The following ADAMTSL1 variants were observed in gnomAD, a reference collection of about 807,000 sequenced individuals.
ADAMTSL1 encodes ADAMTS-like protein 1.
A neutral mutation model predicts 201.8 loss-of-function variants in ADAMTSL1; 126 were observed. That is an observed-to-expected ratio of 0.62 (90% CI 0.54 to 0.72). The LOEUF (loss-of-function observed/expected upper bound fraction) is 0.72. ADAMTSL1 is among the 30% of genes least tolerant of loss of function. The pLI is 0.00. For missense variants in ADAMTSL1, 2,679 were observed against 2,277.8 expected (o/e 1.18, Z -3.59); for synonymous variants, 1,121 against 903.4 (o/e 1.24, Z -4.32).
intron 2 of ADAMTSL1, among the ~76,000 whole-genome samples, chr9:18,384,049 A>G (rs1205302622): frequency 6.6e-6 from 1 of 152,164 alleles, no homozygotes; most frequent in Admixed American, 6.6e-5. Context: ...TACCTGTATT[A>G]GTCTGTTCTC....
At chr9:18,207,755 A>C (rs1160615211) in intron 2 of ADAMTSL1, among the ~76,000 whole-genome samples, 1 of 152,006 alleles carries the variant, frequency 6.6e-6, no homozygotes, top group African/African-American at 2.4e-5. Flanking sequence ...TATTTGGTTT[A>C]TGTATTTGTA....
intron 2 of ADAMTSL1, among the ~76,000 whole-genome samples, chr9:18,257,748 G>A (rs926798822): frequency 2.8e-4 from 42 of 152,108 alleles, no homozygotes; most frequent in African/African-American, 9.7e-4. Flanking sequence ...ATAGCTAAAA[G>A]GTGGAAACAA....
intron 14 of ADAMTSL1, chr9:18,718,273 C>G: frequency 1.3e-6 from 1 of 758,426 alleles, no homozygotes; most frequent in Non-Finnish European, 2.5e-6. Flanking sequence ...GTGGACTGTG[C>G]TTTGATGGAA....
At chr9:18,635,828 C>G (rs1448694468) in intron 5 of ADAMTSL1, 115 bp from the exon 6 acceptor site, 3 of 812,654 alleles carry the variant, frequency 3.7e-6, no homozygotes, top group Non-Finnish European at 5.9e-6. Flanking sequence ...ACATTTCAAA[C>G]ACTTAAAAAA....
At chr9:18,301,382 T>A (rs1812070941) in intron 2 of ADAMTSL1, among the ~76,000 whole-genome samples, 1 of 152,106 alleles carries the variant, frequency 6.6e-6, no homozygotes, top group South Asian at 2.1e-4. Context: ...GTACAGTAGT[T>A]CCCCCTTTTC....
Position 18,908,667 on chromosome 9 carries a change from C to T in ADAMTSL1, c.*119C>T. ...TATTTCCCCCTCCCCACTCCACACA[C>T]ACCCTTCCAACCTCCTCCACCTCCA... On this transcript the variant is annotated 3_prime_UTR_variant, in exon 29 of 29. Coordinates refer to ENST00000380548, the MANE Select transcript of ADAMTSL1 (RefSeq NM_001040272.6). 2 of 797,236 alleles carry T rather than the reference C, an allele frequency of 2.5e-6. No individual in the cohort carries two copies. Among genetic ancestry groups the T allele is most frequent in the Middle Eastern group, 2.4e-4 (1 of 4,142 alleles). The allele number at this position is 797,236 out of a possible 1,614,324, so 49.4% of individuals were successfully genotyped here.
At chr9:18,811,419 C>T (rs1823502154) in intron 20 of ADAMTSL1, among the ~76,000 whole-genome samples, 1 of 152,140 alleles carries the variant, frequency 6.6e-6, no homozygotes, top group Non-Finnish European at 1.5e-5. Flanking sequence ...TACCACCTGC[C>T]CAAGGTGAGG....
intron 2 of ADAMTSL1, among the ~76,000 whole-genome samples, chr9:18,249,026 G>A (rs1195915808): frequency 6.6e-6 from 1 of 152,082 alleles, no homozygotes; most frequent in African/African-American, 2.4e-5. Context: ...ATTGAGCGAC[G>A]ATAGACTGAT....
At position 17,937,229 on chromosome 9, in the gene ADAMTSL1, C is replaced by A. The variant is rs540753175; in HGVS notation, c.87+30307C>A. Reference sequence around the variant, plus strand: ...GAAGGATAATCGGAACAGCACATTGCGGTGGGCCCTGCTCAATGTTGGCCT... The same window carrying A: ...GAAGGATAATCGGAACAGCACATTGAGGTGGGCCCTGCTCAATGTTGGCCT... On this transcript the variant is annotated intron_variant, in intron 1 of 29. Transcript: ENST00000680146. Among the ~76,000 whole-genome samples the A allele has an allele frequency of 2.6e-5, 4 of 152,082 alleles. No individual in the cohort carries two copies. In the South Asian group the frequency reaches 6.2e-4, roughly 24 times the overall value.
At chr9:18,001,124 G>A (rs1023738389) in intron 1 of ADAMTSL1, among the ~76,000 whole-genome samples, 6 of 151,960 alleles carry the variant, frequency 3.9e-5, no homozygotes, top group African/African-American at 9.7e-5. Flanking sequence ...CTCATAATAT[G>A]TCAGGCAGTC....
intron 20 of ADAMTSL1, among the ~76,000 whole-genome samples, chr9:18,798,344 G>A (rs1822563333): frequency 1.3e-5 from 2 of 152,150 alleles, no homozygotes; most frequent in Non-Finnish European, 1.5e-5. Flanking sequence ...TATACTCACT[G>A]ACTCAATTTC....
intron 23 of ADAMTSL1, among the ~76,000 whole-genome samples, chr9:18,884,148 T>C (rs1449586350): frequency 6.6e-6 from 1 of 152,228 alleles, no homozygotes; most frequent in Non-Finnish European, 1.5e-5. Context: ...TGGCTTTAAT[T>C]TGCATTTTCC....
chr9:18,830,121 A>C, intron 23 of ADAMTSL1, 144 bp downstream of exon 23: 3 of 1,156,096 alleles, frequency 2.6e-6, no homozygotes, highest in Non-Finnish European at 3.6e-6. Flanking sequence ...ATCCAGACTC[A>C]CCAGTGGAAA....
intron 1 of ADAMTSL1, among the ~76,000 whole-genome samples, chr9:17,908,893 C>T (rs1825826713): frequency 6.6e-6 from 1 of 152,070 alleles, no homozygotes; most frequent in South Asian, 2.1e-4. Context: ...GAGGACTCGC[C>T]ACACTGACTT....
chr9:18,293,022 A>G (rs905494574), intron 2 of ADAMTSL1, among the ~76,000 whole-genome samples: 10 of 152,216 alleles, frequency 6.6e-5, no homozygotes, highest in African/African-American at 2.4e-4. Context: ...TCAAGATTAG[A>G]GTAGAACCAG....
At chr9:18,161,569 G>T (rs540671180) in intron 1 of ADAMTSL1, among the ~76,000 whole-genome samples, 1 of 152,140 alleles carries the variant, frequency 6.6e-6, no homozygotes, top group South Asian at 2.1e-4. Context: ...TGTAAACCCA[G>T]TTCTTGATCT....
rs145849538 is a variant in ADAMTSL1 at position 18,310,561 on chromosome 9, C to T, written c.207+146580C>T. On this transcript the variant is annotated intron_variant, in intron 2 of 29. Coordinates refer to the ADAMTSL1 transcript ENST00000680146. Reference sequence around the variant, plus strand: ...GGGCAAAGGATATGAACAGACACTTCTCAAAAGAAGACATTTATGTGGCCA... The same window carrying T: ...GGGCAAAGGATATGAACAGACACTTTTCAAAAGAAGACATTTATGTGGCCA... 5.6e-3 allele frequency among the ~76,000 whole-genome samples: 844 copies of T among 152,038 alleles called. 6 individuals carry two copies. The highest frequency in any genetic ancestry group is 0.019 in the African/African-American group (806 of 41,488).
chr9:18,247,479 G>A (rs1455702708), intron 2 of ADAMTSL1, among the ~76,000 whole-genome samples: 2 of 152,188 alleles, frequency 1.3e-5, no homozygotes, highest in African/African-American at 2.4e-5. Flanking sequence ...TTACCTTGAA[G>A]GGGGTACTGA....
intron 14 of ADAMTSL1, among the ~76,000 whole-genome samples, chr9:18,719,257 T>C (rs1397343452): frequency 6.6e-6 from 1 of 152,218 alleles, no homozygotes; most frequent in Non-Finnish European, 1.5e-5. Context: ...AAATTAAATT[T>C]TGAAGCTCAT....
Sources: gnomAD v4.1 joint callset for allele counts (sites outside exome capture counted in the v4.1 genomes callset) on GRCh38, gnomAD v4.1.1 for gene constraint, MANE v1.5 for transcripts, NCBI Gene and HGNC (gene_info 2026-07-23, HGNC 2026-07-21) for gene names.